Variants in CLEC12A observed in about 807,000 individuals in gnomAD.
CLEC12A encodes C-type lectin domain family 12 member A.
In CLEC12A, 22 loss-of-function variants were observed where a neutral mutation model predicts 26.5. The ratio of observed to expected loss-of-function variants is 0.83; its 90% CI spans 0.59 to 1.19. CLEC12A has a LOEUF of 1.19. Among genes scored for constraint, CLEC12A ranks in the 50% most tolerant of loss-of-function variants. The pLI is 0.00. For missense variants in CLEC12A, 353 were observed against 315.6 expected, an observed-to-expected ratio of 1.12 and a Z score of -0.90; for synonymous variants, 119 against 101.9, an observed-to-expected ratio of 1.17 and a Z score of -1.01.
intron 4 of CLEC12A, chr12:9,991,323 G>T (rs1864887952): frequency 6.6e-6 from 1 of 152,106 alleles, no homozygotes; most frequent in African/African-American, 2.4e-5. Context: ...ACCAGAAAAA[G>T]AATCACAGTG....
At chr12:9,971,005 C>T (rs761446493), upstream of CLEC12A, among the ~76,000 whole-genome samples, 13 of 152,216 alleles carry the variant, frequency 8.5e-5, no homozygotes, top group East Asian at 1.9e-4. Flanking sequence ...AACATGGCAA[C>T]GGAATGACAC....
chr12:9,999,697 A>C (rs1427190601), downstream of CLEC12A, among the ~76,000 whole-genome samples: 1 of 152,206 alleles, frequency 6.6e-6, no homozygotes, highest in Non-Finnish European at 1.5e-5. Context: ...AAGGATCCAC[A>C]TGAGGCAGGC....
chr12:9,971,430 G>T lies in CLEC12A; in HGVS notation c.-167G>T. On this transcript the variant is annotated 5_prime_UTR_variant, in exon 1 of 6. Transcript: ENST00000304361. ...ATTTGGCTCATTTGCAGACATATGG[G>T]TGATTGGTACAGTAGGTTTATAAAC... 7.8e-7 allele frequency: 1 copy of T among 1,281,936 alleles called. No homozygotes were observed. Among genetic ancestry groups the T allele is most frequent in the South Asian group, 2.4e-5 (1 of 41,606 alleles). The allele number at this position is 1,281,936 out of a possible 1,614,324, so 79.4% of individuals were successfully genotyped here.
At position 9,980,447 on chromosome 12, in the gene CLEC12A, A is replaced by AG. The variant is rs1565560673; in HGVS notation, c.380-135_380-134insG. On this transcript the variant is annotated intron_variant, in intron 3 of 5. Transcript: ENST00000304361. ...AGCAAGACTCTGTCAAAAAAAAAAA[A>AG]AGGGGGAAAGAGAGAAAGAAAAAGA... 1.6e-3 allele frequency: 1,542 copies of AG among 950,872 alleles called. 14 individuals are homozygous for AG. The African/African-American group carries it at 0.023, about 14-fold the overall frequency. 58.9% of individuals were successfully genotyped at this position (950,872 alleles called of 1,614,324 possible). A position where few individuals can be genotyped will look rare whatever the true frequency, so the allele number is the denominator to read the frequency against.
chr12:9,964,869 GA>G (rs1218773448), intron 1 of CLEC12A, among the ~76,000 whole-genome samples: 2 of 151,972 alleles, frequency 1.3e-5, no homozygotes, highest in African/African-American at 4.8e-5. Context: ...GAAATATGAG[GA>G]AAAGGGGTGA....
At chr12:9,993,783 T>C (rs1469992943) in intron 4 of CLEC12A, among the ~76,000 whole-genome samples, 1 of 152,138 alleles carries the variant, frequency 6.6e-6, no homozygotes, top group Non-Finnish European at 1.5e-5. Context: ...GCAGGCTGTA[T>C]TGTAATTGTC....
At chr12:9,988,160 T>C (rs1864813392), downstream of CLEC12A, among the ~76,000 whole-genome samples, 1 of 152,184 alleles carries the variant, frequency 6.6e-6, no homozygotes, top group South Asian at 2.1e-4. Context: ...GTAGCTCCCA[T>C]AATTCAACAT....
intron 1 of CLEC12A, among the ~76,000 whole-genome samples, chr12:9,974,435 C>T (rs1178394097): frequency 3.3e-5 from 5 of 152,162 alleles, no homozygotes; most frequent in Non-Finnish European, 7.3e-5. Flanking sequence ...TATGACCTTT[C>T]CCTGAATCTC....
intron 1 of CLEC12A, among the ~76,000 whole-genome samples, chr12:9,957,182 A>G (rs1245973653): frequency 6.6e-6 from 1 of 152,164 alleles, no homozygotes; most frequent in Non-Finnish European, 1.5e-5. Context: ...TATTGGGGAA[A>G]GAGGAAGAAA....
At position 9,957,025 on chromosome 12, in the gene CLEC12A, A is replaced by G. The variant is rs568359513; in HGVS notation, c.10+5669A>G. On this transcript the variant is annotated intron_variant, in intron 1 of 6. Coordinates refer to the CLEC12A transcript ENST00000355690. ...TTCAATCCCTTGGTTTTTGTTATCG[A>G]TATAAACCAAAATGTATCTGAGGTA... 2.4e-4 allele frequency among the ~76,000 whole-genome samples: 37 copies of G among 152,334 alleles called. 2 individuals are homozygous for G. In the South Asian group the frequency reaches 3.5e-3, roughly 14 times the overall value.
upstream of CLEC12A, among the ~76,000 whole-genome samples, chr12:9,970,638 C>A (rs1320135596): frequency 1.3e-5 from 2 of 151,512 alleles, no homozygotes; most frequent in Admixed American, 6.6e-5. Flanking sequence ...ACTTTGGAGA[C>A]TCATTTCCCT....
intron 1 of CLEC12A, among the ~76,000 whole-genome samples, chr12:9,957,107 A>G (rs974881172): frequency 3.9e-5 from 6 of 152,226 alleles, no homozygotes; most frequent in African/African-American, 1.4e-4. Flanking sequence ...TGCCTGAAAC[A>G]CAAGTCTGTG....
the CLEC12A span, among the ~76,000 whole-genome samples, chr12:10,001,772 TC>T: frequency 6.6e-6 from 1 of 152,136 alleles, no homozygotes; most frequent in African/African-American, 2.4e-5. Flanking sequence ...ACCCTCCAAG[TC>T]CCGTTATTAG....
chr12:9,962,980 G>C (rs1274643335), intron 1 of CLEC12A, among the ~76,000 whole-genome samples: 1 of 152,202 alleles, frequency 6.6e-6, no homozygotes, highest in Non-Finnish European at 1.5e-5. Context: ...GATTAGGGGC[G>C]ATGTGGGAAC....
chr12:9,979,467 A>G lies in CLEC12A; in HGVS notation c.322A>G (p.Thr108Ala). Reference sequence around the variant, plus strand: ...CTCCAACAAGATCAGGAACCTCTCCACCACACTGCAAACAATAGCCACCAA... The same window carrying G: ...CTCCAACAAGATCAGGAACCTCTCCGCCACACTGCAAACAATAGCCACCAA... ...NISNKIRNLS[T>A]TLQTIATKLC... is the part of the protein sequence containing the mutation. Residue 108 changes from threonine (T) to alanine (A), a missense_variant, in exon 3 of 6, where the codon ACC (threonine) becomes GCC (alanine). Physicochemically the swap from Thr to Ala is moderately conservative, Grantham distance 58 (BLOSUM62 0). Coordinates refer to ENST00000304361, the MANE Select transcript of CLEC12A (RefSeq NM_138337.6). 5.6e-6 allele frequency: 9 copies of G among 1,613,532 alleles called. No homozygotes were observed. Among genetic ancestry groups the G allele is most frequent in the African/African-American group, 4.0e-5 (3 of 75,038 alleles).
At chr12:9,995,571 G>A (rs1865023846) in exon 5 of CLEC12A, 1 of 350,958 alleles carries the variant, frequency 2.8e-6, no homozygotes, top group Non-Finnish European at 5.5e-6. Context: ...AGGAATAAAT[G>A]TAAACAGAGA....
intron 4 of CLEC12A, chr12:9,992,218 A>G (rs1463597631): frequency 1.3e-5 from 2 of 152,174 alleles, no homozygotes; most frequent in African/African-American, 4.8e-5. Context: ...AATACTAATT[A>G]AAGCATTTTT....
the CLEC12A span, among the ~76,000 whole-genome samples, chr12:10,002,565 C>T: frequency 3.0e-5 from 4 of 132,236 alleles, no homozygotes; most frequent in African/African-American, 1.1e-4. Flanking sequence ...GCCACAGCCT[C>T]CCAAGTAGTT....
chr12:9,955,790 T>G (rs370632531), intron 1 of CLEC12A, among the ~76,000 whole-genome samples: 36 of 152,318 alleles, frequency 2.4e-4, no homozygotes, highest in African/African-American at 8.2e-4. Context: ...CCTCCTGCAG[T>G]GTGATTGCTT....
Sources: allele counts gnomAD v4.1 joint callset (sites outside exome capture counted in the v4.1 genomes callset), GRCh38; gene constraint gnomAD v4.1.1; transcripts MANE v1.5; gene names NCBI Gene and HGNC (gene_info 2026-07-23, HGNC 2026-07-21).